The following FAM83B variants were observed in gnomAD, a reference collection of about 807,000 sequenced individuals.
FAM83B encodes scaffolding CK1 anchoring protein B.
FAM83B carries 26 observed loss-of-function variants against 38.8 expected under a neutral mutation model. The observed-to-expected ratio is 0.67, with a 90% CI of 0.49 to 0.93. FAM83B has a LOEUF of 0.93. Ranked by LOEUF, FAM83B falls within the 40% of genes least tolerant of loss-of-function variation. FAM83B has a pLI of 0.00. For missense variants in FAM83B, 1,237 were observed against 1,197.3 expected, an observed-to-expected ratio of 1.03 and a Z score of -0.49; for synonymous variants, 419 against 423.1, an observed-to-expected ratio of 0.99 and a Z score of 0.12.
chr6:54,882,427 T>A (rs1242961205), intron 2 of FAM83B, among the ~76,000 whole-genome samples: 1 of 152,108 alleles, frequency 6.6e-6, no homozygotes, highest in Admixed American at 6.5e-5. Flanking sequence ...AGGTGAGGAA[T>A]AAAAAAATAA....
At chr6:54,903,841 T>C (rs74844761) in intron 2 of FAM83B, among the ~76,000 whole-genome samples, 9,092 of 152,048 alleles carry the variant, frequency 0.06, 904 homozygotes, top group African/African-American at 0.2. Context: ...TGTACAGTCT[T>C]ACATTTCATT....
intron 2 of FAM83B, among the ~76,000 whole-genome samples, chr6:54,881,516 C>G (rs1314378420): frequency 6.6e-6 from 1 of 151,636 alleles, no homozygotes; most frequent in Non-Finnish European, 1.5e-5. Flanking sequence ...TGTCATTTGG[C>G]TAAATATCAA....
At chr6:54,917,658 A>G (rs1412668076) in intron 2 of FAM83B, among the ~76,000 whole-genome samples, 1 of 152,140 alleles carries the variant, frequency 6.6e-6, no homozygotes, top group Admixed American at 6.5e-5. Flanking sequence ...TTATTATAAT[A>G]GTCATTTTCT....
In FAM83B at chr6:54,941,734, T is replaced by G. The variant is rs759022133; in HGVS notation, c.2763T>G (p.Ser921Arg). Residue 921 changes from serine (S) to arginine (R), a missense_variant, in exon 5 of 5, where the codon AGT becomes AGG. Transcript: ENST00000306858. ...CTTCTTCTCCAAGGCCAACGTCCAG[T>G]GAGCTTCTACGATCTCATTCAACTG... The part of the protein sequence containing the change: ...RPTSSPRPTS[S>R]ELLRSHSTDR... 1.2e-6 allele frequency: 2 copies of G among 1,614,148 alleles called. No individual in the cohort carries two copies. Among genetic ancestry groups the G allele is most frequent in the South Asian group, 2.2e-5 (2 of 91,084 alleles).
Position 54,870,241 on chromosome 6 carries a change from G to A in FAM83B, c.-6G>A. 1 of 1,605,834 alleles carries A rather than the reference G, an allele frequency of 6.2e-7. No homozygotes were observed. The highest frequency in any genetic ancestry group is 1.3e-5 in the African/African-American group (1 of 74,794). ...TTGAAAGTGCCATAGCCAAACACTT[G>A]CAAGCATGGAGACCTCATCAATGCT... On this transcript the variant is annotated 5_prime_UTR_variant, in exon 2 of 5. Coordinates refer to ENST00000306858, the MANE Select transcript of FAM83B (RefSeq NM_001010872.3).
chr6:54,880,441 C>CTTTTTTTTTTT (rs1180941250), intron 2 of FAM83B, among the ~76,000 whole-genome samples: 4 of 106,216 alleles, frequency 3.8e-5, no homozygotes, highest in Non-Finnish European at 5.4e-5. Flanking sequence ...TAGAAGGTTT[C>CTTTTTTTTTTT]TTTTTTTTTT....
At chr6:54,882,985 C>A (rs925273958) in intron 2 of FAM83B, among the ~76,000 whole-genome samples, 1 of 151,870 alleles carries the variant, frequency 6.6e-6, no homozygotes, top group African/African-American at 2.4e-5. Context: ...GCTCTGTCAC[C>A]CAGGCCGGAG....
intron 1 of FAM83B, among the ~76,000 whole-genome samples, chr6:54,853,623 G>A (rs1771364726): frequency 6.6e-6 from 1 of 152,114 alleles, no homozygotes; most frequent in African/African-American, 2.4e-5. Flanking sequence ...TAAGCCTACT[G>A]TTGAGACCTA....
At chr6:54,866,990 G>A (rs915732228) in intron 1 of FAM83B, among the ~76,000 whole-genome samples, 1 of 151,458 alleles carries the variant, frequency 6.6e-6, no homozygotes, top group Non-Finnish European at 1.5e-5. Flanking sequence ...TTTTTTTGAG[G>A]CATGGATTTG....
chr6:54,930,249 T>A (rs9475073), intron 4 of FAM83B, among the ~76,000 whole-genome samples: 4,294 of 152,192 alleles, frequency 0.028, 205 homozygotes, highest in African/African-American at 0.097. Flanking sequence ...GGCCATTTTG[T>A]TTTTATTAAT....
At chr6:54,908,735 G>T (rs1489299024) in intron 2 of FAM83B, among the ~76,000 whole-genome samples, 1 of 152,128 alleles carries the variant, frequency 6.6e-6, no homozygotes, top group Non-Finnish European at 1.5e-5. Context: ...TGGGGTACAG[G>T]TGTACTTCAA....
chr6:54,940,807 C>T lies in FAM83B; in HGVS notation c.1836C>T (p.His612=), dbSNP rs1252729634. ...LPLQSEAPKM[H]TLQVPENHSV... is the part of the protein sequence containing the mutation. ...TGCAGTCAGAGGCACCAAAAATGCA[C>T]ACCTTGCAGGTTCCTGAAAACCACT... The change falls in exon 5 of 5, where the codon CAC becomes CAT. Residue 612 remains histidine, a synonymous_variant. Transcript: ENST00000306858. 1 of 1,614,042 alleles carries T rather than the reference C, an allele frequency of 6.2e-7. No individual in the cohort carries two copies. Among genetic ancestry groups the T allele is most frequent in the Non-Finnish European group, 8.5e-7 (1 of 1,180,014 alleles).
At chr6:54,932,676 C>CTCAGATT (rs60747241) in intron 4 of FAM83B, among the ~76,000 whole-genome samples, 96,648 of 150,920 alleles carry the variant, frequency 0.64, 32,623 homozygotes, top group East Asian at 0.89. Context: ...AGTGAACTCC[C>CTCAGATT]TCATTTATCT....
intron 2 of FAM83B, among the ~76,000 whole-genome samples, chr6:54,923,887 G>A (rs1773225482): frequency 7.0e-6 from 1 of 142,128 alleles, no homozygotes; most frequent in African/African-American, 2.6e-5. Context: ...TTTAACTTTT[G>A]CACTAGACTC....
intron 2 of FAM83B, among the ~76,000 whole-genome samples, chr6:54,901,586 T>C (rs1772662386): frequency 6.6e-6 from 1 of 152,184 alleles, no homozygotes; most frequent in Non-Finnish European, 1.5e-5. Context: ...AATTTCATTG[T>C]TTCCCTTATT....
At chr6:54,931,059 T>C (rs960917810) in intron 4 of FAM83B, among the ~76,000 whole-genome samples, 5 of 152,184 alleles carry the variant, frequency 3.3e-5, no homozygotes, top group African/African-American at 4.8e-5. Context: ...CTTTGACTCA[T>C]TGGCTACTCA....
At position 54,942,052 on chromosome 6, in the gene FAM83B, G is replaced by A; in HGVS notation, c.*45G>A. 3.9e-6 allele frequency: 6 copies of A among 1,535,470 alleles called. No individual in the cohort carries two copies. Among genetic ancestry groups the A allele is most frequent in the African/African-American group, 2.8e-5 (2 of 72,068 alleles). On this transcript the variant is annotated 3_prime_UTR_variant, in exon 5 of 5. Transcript: ENST00000306858. ...ATGAGGCTATCAATATTTGTCCAAA[G>A]AAAATTGTGGACAGTCTTTGTAACA... is the stretch of plus-strand genomic sequence containing the variant.
intron 2 of FAM83B, among the ~76,000 whole-genome samples, chr6:54,925,860 T>A (rs1319828707): frequency 6.6e-6 from 1 of 152,182 alleles, no homozygotes; most frequent in African/African-American, 2.4e-5. Flanking sequence ...GTATATTTAA[T>A]TTTTTGGTCT....
intron 2 of FAM83B, among the ~76,000 whole-genome samples, chr6:54,897,429 T>A (rs1772562791): frequency 6.6e-6 from 1 of 152,170 alleles, no homozygotes; most frequent in Non-Finnish European, 1.5e-5. Context: ...TACTTATATA[T>A]CATTTTATTC....
Sources: gnomAD v4.1 joint callset for allele counts (sites outside exome capture counted in the v4.1 genomes callset) on GRCh38, gnomAD v4.1.1 for gene constraint, MANE v1.5 for transcripts, NCBI Gene and HGNC (gene_info 2026-07-23, HGNC 2026-07-21) for gene names.